SMC6: variants seen among roughly 807,000 people sequenced by gnomAD.
SMC6 encodes the protein structural maintenance of chromosomes 6.
Under a neutral mutation model 142.2 loss-of-function variants are expected in SMC6, and 79 were observed. The ratio of observed to expected loss-of-function variants is 0.56; its 90% CI spans 0.46 to 0.67. The LOEUF is 0.67. Among genes scored for constraint, SMC6 ranks in the 30% least tolerant of loss-of-function variants. SMC6 has a pLI of 0.00. For synonymous variants in SMC6, 411 were observed against 412.4 expected (o/e 1.00, Z 0.04); for missense variants, 1,072 against 1,284.0 (o/e 0.83, Z 2.52).
chr2:17,732,848 G>C (rs1669976944), intron 5 of SMC6, among the ~76,000 whole-genome samples: 1 of 151,998 alleles, frequency 6.6e-6, no homozygotes, highest in Admixed American at 6.6e-5. Context: ...CTCTGTTATA[G>C]TTTTTAAAGT....
intron 13 of SMC6, 56 bp from the exon 14 acceptor site, chr2:17,716,961 T>C (rs936928236): frequency 2.6e-6 from 4 of 1,552,944 alleles, no homozygotes; most frequent in Admixed American, 3.9e-5. Context: ...GCCTAACATT[T>C]AAAGAACACA....
At chr2:17,696,967 CAA>C (rs1172552041) in intron 21 of SMC6, among the ~76,000 whole-genome samples, 2 of 151,822 alleles carry the variant, frequency 1.3e-5, no homozygotes, top group Non-Finnish European at 2.9e-5. Context: ...AAAAATAAAA[CAA>C]GAGGTATGGC....
chr2:17,701,875 T>C lies in SMC6; in HGVS notation c.2177A>G (p.Glu726Gly), dbSNP rs752372107. The C allele has an allele frequency of 3.2e-6, 5 of 1,581,556 alleles. No homozygotes were observed. The highest frequency in any genetic ancestry group is 1.2e-5 in the South Asian group (1 of 86,164). Residue 726 changes from glutamate (E) to glycine (G), a missense_variant, in exon 20 of 28, where the codon GAA becomes GGA. Physicochemically the swap from Glu to Gly is moderately conservative, Grantham distance 98. This residue lies in a region of SMC6 where 994 missense variants were observed against 1,153.2 expected (regional missense o/e 0.86). Coordinates refer to ENST00000448223, the MANE Select transcript of SMC6 (RefSeq NM_001142286.2). The stretch of plus-strand genomic sequence containing the variant: ...CTGGTGTTCTTCTATGTTCTCAAGT[T>C]CCCGAATTTCAGAAATATTTTTTCT... ...KIRKNISEIR[E>G]LENIEEHQSV...
At chr2:17,740,629 C>T (rs549783587) in intron 4 of SMC6, 37 of 358,228 alleles carry the variant, frequency 1.0e-4, no homozygotes, top group South Asian at 6.3e-4. Context: ...CCGAGGTGGG[C>T]GGATCACTTG....
intron 2 of SMC6, 149 bp from the exon 3 acceptor site, chr2:17,746,100 T>C: frequency 1.0e-5 from 8 of 776,626 alleles, no homozygotes; most frequent in Non-Finnish European, 1.5e-5. Context: ...TCTTGCATCT[T>C]GCACTAAGGA....
chr2:17,745,901 T>G lies in SMC6; in HGVS notation c.46A>C (p.Lys16Gln), dbSNP rs1244218420. Residue 16 changes from lysine (K) to glutamine (Q), a missense_variant, in exon 3 of 28, where the codon AAA becomes CAA. Lys to Gln is a moderately conservative substitution (Grantham distance 53). Around this residue, in one of 3 missense-constraint regions of SMC6, gnomAD observed 994 missense variants for 1,153.2 expected, o/e 0.86. Coordinates refer to ENST00000448223, the MANE Select transcript of SMC6 (RefSeq NM_001142286.2). ...TCCAATTCTTCTTGTCTTGGCCTTT[T>G]GGCATTTTTAGGAGAGGAAAAATTT... Reference protein sequence around the residue: ...EENFSSPKNAKRPRQEELEDF... With the variant: ...EENFSSPKNAQRPRQEELEDF... The G allele has an allele frequency of 6.2e-7, 1 of 1,612,614 alleles. No homozygotes were observed. The highest frequency in any genetic ancestry group is 8.5e-7 in the Non-Finnish European group (1 of 1,179,468).
chr2:17,705,406 G>A (rs1668458925), intron 18 of SMC6, among the ~76,000 whole-genome samples: 1 of 152,004 alleles, frequency 6.6e-6, no homozygotes, highest in African/African-American at 2.4e-5. Flanking sequence ...GTGAAACCCT[G>A]TCTCCACAAA....
intron 23 of SMC6, among the ~76,000 whole-genome samples, chr2:17,692,987 A>G (rs1349443775): frequency 6.6e-6 from 1 of 152,242 alleles, no homozygotes; most frequent in Non-Finnish European, 1.5e-5. Flanking sequence ...AGAGAAATGC[A>G]AATCAAAACC....
At chr2:17,702,036 G>T (rs533869140) in intron 19 of SMC6, 127 bp from the exon 20 acceptor site, 1 of 574,236 alleles carries the variant, frequency 1.7e-6, no homozygotes, top group South Asian at 2.4e-5. Context: ...TAATGAAAGG[G>T]GTACATTAGT....
intron 7 of SMC6, among the ~76,000 whole-genome samples, chr2:17,727,309 A>T (rs1416121116): frequency 6.6e-6 from 1 of 152,158 alleles, no homozygotes; most frequent in Non-Finnish European, 1.5e-5. Context: ...AGCAGGCGGA[A>T]AAAACGTGAA....
chr2:17,709,671 T>C (rs1471366279), intron 16 of SMC6, among the ~76,000 whole-genome samples: 1 of 152,088 alleles, frequency 6.6e-6, no homozygotes, highest in African/African-American at 2.4e-5. Context: ...CAAAACAGAC[T>C]ACACCCTGTT....
chr2:17,747,507 CTT>C (rs11303424), intron 2 of SMC6, among the ~76,000 whole-genome samples: 174 of 106,006 alleles, frequency 1.6e-3, no homozygotes, highest in Admixed American at 2.1e-3. Flanking sequence ...CTTTTTCTTT[CTT>C]TTTTTTTTTT....
At chr2:17,701,695 G>T (rs1343805645) in intron 20 of SMC6, 134 bp downstream of exon 20, 2 of 590,674 alleles carry the variant, frequency 3.4e-6, no homozygotes, top group Non-Finnish European at 6.0e-6. Flanking sequence ...TTACCTTCTT[G>T]GTGAATGGAG....
intron 5 of SMC6, among the ~76,000 whole-genome samples, chr2:17,734,913 G>A (rs1300110394): frequency 1.3e-5 from 2 of 152,026 alleles, no homozygotes; most frequent in Non-Finnish European, 2.9e-5. Flanking sequence ...TGTATTTTTA[G>A]TAGAGACGGG....
At chr2:17,721,112 T>C in intron 10 of SMC6, 30 bp downstream of exon 10, 1 of 1,611,424 alleles carries the variant, frequency 6.2e-7, no homozygotes, top group Non-Finnish European at 8.5e-7. Context: ...ATCACATAGA[T>C]ACGTGAACAA....
intron 17 of SMC6, among the ~76,000 whole-genome samples, chr2:17,708,353 C>T (rs576219162): frequency 8.0e-4 from 122 of 151,930 alleles, no homozygotes; most frequent in Non-Finnish European, 1.3e-3. Flanking sequence ...GGCAGCCAAA[C>T]AAAAATGAAC....
At chr2:17,678,159 T>C (rs1294186705) in intron 25 of SMC6, among the ~76,000 whole-genome samples, 3 of 152,066 alleles carry the variant, frequency 2.0e-5, no homozygotes, top group Admixed American at 6.6e-5. Context: ...ATAAACACAA[T>C]TAAGTGGGGA....
chr2:17,703,050 C>T lies in SMC6; in HGVS notation c.2142+107G>A, dbSNP rs1028753802. On this transcript the variant is annotated intron_variant, in intron 19 of 27. Coordinates refer to ENST00000448223, the MANE Select transcript of SMC6 (RefSeq NM_001142286.2). ...TTGATGAGTGTAAAGGGGCTTGAGG[C>T]CAAAAGGTTTGAGAATTGCTTGGAG... is the stretch of plus-strand genomic sequence containing the variant. The T allele has an allele frequency of 1.0e-5, 7 of 676,912 alleles. 1 individual carries two copies. In the South Asian group the frequency reaches 1.5e-4, roughly 14 times the overall value. The allele number at this position is 676,912 out of a possible 1,614,324, so 41.9% of individuals were successfully genotyped here.
Position 17,670,651 on chromosome 2 carries a change from T to C in SMC6, c.2911-76A>G. ...CAGATTAAATTCTTTACAAGACAGA[T>C]AAATAATAGATTTACAGTAAAAAGG... On this transcript the variant is annotated intron_variant, in intron 25 of 27. Transcript: ENST00000448223. 4 of 1,329,742 alleles carry C rather than the reference T, an allele frequency of 3.0e-6. No individual in the cohort carries two copies. In the South Asian group the frequency reaches 6.4e-5, roughly 21 times the overall value. 82.4% of individuals were successfully genotyped at this position (1,329,742 alleles called of 1,614,324 possible). A position where few individuals can be genotyped will look rare whatever the true frequency, so the allele number is the denominator to read the frequency against.
Sources: gnomAD v4.1 joint callset for allele counts (sites outside exome capture counted in the v4.1 genomes callset) on GRCh38, gnomAD v4.1.1 for gene constraint, gnomAD v4.1.1 regional missense constraint, MANE v1.5 for transcripts, NCBI Gene and HGNC (gene_info 2026-07-23, HGNC 2026-07-21) for gene names.